CNIH1: variants seen among roughly 807,000 people sequenced by gnomAD.
CNIH1 encodes the protein protein cornichon homolog 1.
CNIH1 carries 12 observed loss-of-function variants against 20.2 expected under a neutral mutation model. The ratio of observed to expected loss-of-function variants is 0.59; its 90% confidence interval spans 0.38 to 0.96. The LOEUF (loss-of-function observed/expected upper bound fraction) is 0.96, where lower values mean the gene tolerates loss of function less well. CNIH1 is among the 40% of genes least tolerant of loss of function. The pLI is 0.00. For missense variants in CNIH1, 152 were observed against 178.8 expected (o/e 0.85, Z 0.85); for synonymous variants, 69 against 63.3 (o/e 1.09, Z -0.43).
In CNIH1 at chr14:54,427,043, C is replaced by A. The variant is rs1460130405; in HGVS notation, c.*771G>T. Reference sequence around the variant, plus strand: ...AGTACCTGCAAATTCTTAAGAATACCTTTACCACCAGATTAGAACAGTAAG... The same window carrying A: ...AGTACCTGCAAATTCTTAAGAATACATTTACCACCAGATTAGAACAGTAAG... On this transcript the variant is annotated 3_prime_UTR_variant, in exon 5 of 5. Coordinates refer to ENST00000216416, the MANE Select transcript of CNIH1 (RefSeq NM_005776.3). The A allele has an allele frequency of 1.3e-5, 2 of 152,234 alleles. No homozygotes were observed. Among genetic ancestry groups the A allele is most frequent in the Non-Finnish European group, 2.9e-5 (2 of 67,980 alleles). 9.4% of individuals were successfully genotyped at this position (152,234 alleles called of 1,614,324 possible).
At chr14:54,440,419 C>A (rs1427118529) in intron 1 of CNIH1, among the ~76,000 whole-genome samples, 1 of 152,172 alleles carries the variant, frequency 6.6e-6, no homozygotes, top group Non-Finnish European at 1.5e-5. Context: ...AGGGAACTTA[C>A]GACTTTTTCC....
rs2030781632 is a variant in CNIH1 at position 54,424,169 on chromosome 14, C to A, written c.*3645G>T. Reference sequence around the variant, plus strand: ...GACTTACTAGCTGCTGGTCATACTGCACATCAATGATTGGTTTGAGCAAAG... The same window carrying A: ...GACTTACTAGCTGCTGGTCATACTGAACATCAATGATTGGTTTGAGCAAAG... On this transcript the variant is annotated 3_prime_UTR_variant, in exon 5 of 5. Coordinates refer to ENST00000216416, the MANE Select transcript of CNIH1 (RefSeq NM_005776.3). The A allele has an allele frequency of 6.6e-6, 1 of 152,192 alleles. No homozygotes were observed. Among genetic ancestry groups the A allele is most frequent in the Non-Finnish European group, 1.5e-5 (1 of 68,050 alleles). 9.4% of individuals were successfully genotyped at this position (152,192 alleles called of 1,614,324 possible).
rs1398240905 is a variant in CNIH1, at chr14:54,426,485, CTTATT to C, written c.*1324_*1328del. ...CTCTTCTCAAGAAACTTCCAAACCACTTATTTTATTTTCAACTGCCTTAACTTCCT... is the reference window on the plus strand; with the variant it reads ...CTCTTCTCAAGAAACTTCCAAACCACTTATTTTCAACTGCCTTAACTTCCT... On this transcript the variant is annotated 3_prime_UTR_variant, in exon 5 of 5. Coordinates refer to ENST00000216416, the MANE Select transcript of CNIH1 (RefSeq NM_005776.3). The C allele has an allele frequency of 3.9e-5, 6 of 152,158 alleles. No homozygotes were observed. The highest frequency in any genetic ancestry group is 7.4e-5 in the Non-Finnish European group (5 of 68,012). 9.4% of individuals were successfully genotyped at this position (152,158 alleles called of 1,614,324 possible).
intron 2 of CNIH1, among the ~76,000 whole-genome samples, chr14:54,433,467 A>G (rs1458502941): frequency 1.3e-5 from 2 of 152,228 alleles, no homozygotes; most frequent in African/African-American, 2.4e-5. Flanking sequence ...AAGCAATACA[A>G]TAACAAAGGA....
At chr14:54,427,968 C>A in intron 4 of CNIH1, 127 bp from the exon 5 acceptor site, 1 of 912,872 alleles carries the variant, frequency 1.1e-6, no homozygotes, top group Non-Finnish European at 1.7e-6. Flanking sequence ...ATGACAAGTT[C>A]ACAGTGATTT....
intron 2 of CNIH1, among the ~76,000 whole-genome samples, chr14:54,433,587 C>T (rs2030991066): frequency 6.6e-6 from 1 of 152,140 alleles, no homozygotes; most frequent in Admixed American, 6.5e-5. Context: ...AACTCAAGGA[C>T]TATAACCAGA....
chr14:54,431,226 T>G (rs976347502), intron 3 of CNIH1, among the ~76,000 whole-genome samples: 1 of 152,042 alleles, frequency 6.6e-6, no homozygotes, highest in Non-Finnish European at 1.5e-5. Flanking sequence ...CCTCCCAGCC[T>G]GAAGCAATTC....
In CNIH1 at chr14:54,427,064, G is replaced by T. The variant is rs2030840495; in HGVS notation, c.*750C>A. The T allele has an allele frequency of 6.6e-6, 1 of 152,110 alleles. No homozygotes were observed. The highest frequency in any genetic ancestry group is 1.5e-5 in the Non-Finnish European group (1 of 68,002). The allele number at this position is 152,110 out of a possible 1,614,324, so 9.4% of individuals were successfully genotyped here. A position where few individuals can be genotyped will look rare whatever the true frequency, so the allele number is the denominator to read the frequency against. On this transcript the variant is annotated 3_prime_UTR_variant, in exon 5 of 5. Transcript: ENST00000216416. ...ATACCTTTACCACCAGATTAGAACA[G>T]TAAGCATAATAACCAATTTCTTAAT...
chr14:54,433,595 A>G (rs2030991176), intron 2 of CNIH1, among the ~76,000 whole-genome samples: 1 of 152,228 alleles, frequency 6.6e-6, no homozygotes, highest in African/African-American at 2.4e-5. Context: ...GACTATAACC[A>G]GAACAAACCA....
In CNIH1 at chr14:54,427,191, G is replaced by A. The variant is rs2030842804; in HGVS notation, c.*623C>T. The A allele has an allele frequency of 6.6e-6, 1 of 152,048 alleles. No homozygotes were observed. Among genetic ancestry groups the A allele is most frequent in the Non-Finnish European group, 1.5e-5 (1 of 67,974 alleles). The allele number at this position is 152,048 out of a possible 1,614,324, so 9.4% of individuals were successfully genotyped here. A position where few individuals can be genotyped will look rare whatever the true frequency, so the allele number is the denominator to read the frequency against. Reference sequence around the variant, plus strand: ...TTATATCATGTTTACTTATGCTTAAGAATTAAAGCAAGTATATTTATTACT... The same window carrying A: ...TTATATCATGTTTACTTATGCTTAAAAATTAAAGCAAGTATATTTATTACT... On this transcript the variant is annotated 3_prime_UTR_variant, in exon 5 of 5. Transcript: ENST00000216416.
chr14:54,437,478 C>T (rs1029258559), intron 1 of CNIH1, among the ~76,000 whole-genome samples: 3 of 151,938 alleles, frequency 2.0e-5, no homozygotes, highest in African/African-American at 7.3e-5. Context: ...AATTCACCCA[C>T]CTGCCCTAAT....
intron 1 of CNIH1, 77 bp downstream of exon 1, chr14:54,441,170 G>C (rs1594621324): frequency 7.2e-7 from 1 of 1,380,278 alleles, no homozygotes; most frequent in East Asian, 3.2e-5. Flanking sequence ...CGGCCGTGGC[G>C]GCCCGGACCG....
chr14:54,423,606 T>G lies in CNIH1; in HGVS notation c.*4208A>C, dbSNP rs151138836. 3.8e-4 allele frequency: 58 copies of G among 152,294 alleles called. No homozygotes were observed. In the East Asian group the frequency reaches 0.011, roughly 29 times the overall value. 9.4% of individuals were successfully genotyped at this position (152,294 alleles called of 1,614,324 possible). A position where few individuals can be genotyped will look rare whatever the true frequency, so the allele number is the denominator to read the frequency against. Reference sequence around the variant, plus strand: ...TTAAATACAAAAGCAAAATAAGCTCTAAGGAGTAAGGTAGGGCTACTTAAG... The same window carrying G: ...TTAAATACAAAAGCAAAATAAGCTCGAAGGAGTAAGGTAGGGCTACTTAAG... On this transcript the variant is annotated 3_prime_UTR_variant, in exon 5 of 5. Coordinates refer to ENST00000216416, the MANE Select transcript of CNIH1 (RefSeq NM_005776.3).
rs1184947874 is a variant in CNIH1 at position 54,441,370 on chromosome 14, G to A, written c.-43C>T. The A allele has an allele frequency of 1.4e-6, 2 of 1,469,742 alleles. No individual in the cohort carries two copies. Among genetic ancestry groups the A allele is most frequent in the Non-Finnish European group, 9.1e-7 (1 of 1,098,574 alleles). 91.0% of individuals were successfully genotyped at this position (1,469,742 alleles called of 1,614,324 possible). A position where few individuals can be genotyped will look rare whatever the true frequency, so the allele number is the denominator to read the frequency against. ...GGGGAGCGGCGCCGTTGCCAGCGGA[G>A]AAAGGCGGCGCAGGGCCCTCTGGGT... On this transcript the variant is annotated 5_prime_UTR_variant, in exon 1 of 5. Transcript: ENST00000216416.
intron 1 of CNIH1, among the ~76,000 whole-genome samples, 191 bp downstream of exon 1, chr14:54,441,056 C>G (rs1441498910): frequency 6.6e-6 from 1 of 151,760 alleles, no homozygotes; most frequent in Non-Finnish European, 1.5e-5. Context: ...GGCGCGTCCA[C>G]CTGGCGACTG....
At chr14:54,436,699 G>A (rs1177287510) in intron 1 of CNIH1, 1 of 534,900 alleles carries the variant, frequency 1.9e-6, no homozygotes, top group Non-Finnish European at 3.4e-6. Context: ...CAATGCCTCT[G>A]CTCAAGTTAT....
intron 1 of CNIH1, among the ~76,000 whole-genome samples, chr14:54,438,071 C>T (rs1405007253): frequency 6.6e-6 from 1 of 152,002 alleles, no homozygotes; most frequent in African/African-American, 2.4e-5. Flanking sequence ...CCTCCACCTC[C>T]TCGGCTCAAA....
At chr14:54,429,619 C>T (rs538463503) in intron 4 of CNIH1, among the ~76,000 whole-genome samples, 9 of 152,110 alleles carry the variant, frequency 5.9e-5, no homozygotes, top group African/African-American at 2.2e-4. Flanking sequence ...ATTAGCCGGG[C>T]GTGGTGGTGC....
At chr14:54,437,219 G>C (rs561030629) in intron 1 of CNIH1, among the ~76,000 whole-genome samples, 1 of 152,280 alleles carries the variant, frequency 6.6e-6, no homozygotes, top group East Asian at 1.9e-4. Flanking sequence ...GACAAAGAAA[G>C]AAAACAAAGG....
Sources: allele counts gnomAD v4.1 joint callset (sites outside exome capture counted in the v4.1 genomes callset), GRCh38; gene constraint gnomAD v4.1.1; transcripts MANE v1.5; gene names NCBI Gene and HGNC (gene_info 2026-07-23, HGNC 2026-07-21).